Variants in DMD observed in about 807,000 individuals in gnomAD.
DMD encodes the protein mutant dystrophin.
In DMD, 63 loss-of-function variants were observed where a neutral mutation model predicts 330.1. The observed-to-expected ratio is 0.19, with a 90% CI of 0.16 to 0.24. DMD has a LOEUF of 0.24. Ranked by LOEUF, DMD falls within the 10% of genes least tolerant of loss-of-function variation. The probability of loss-of-function intolerance (pLI) is 1.00; values close to 1 mark genes in which losing one functional copy is unlikely to be tolerated. For missense variants in DMD, 3,344 were observed against 2,684.1 expected, an observed-to-expected ratio of 1.25 and a Z score of -5.43; for synonymous variants, 1,223 against 959.8, an observed-to-expected ratio of 1.27 and a Z score of -5.07.
intron 51 of DMD, among the ~76,000 whole-genome samples, chrX:31,755,886 T>G (rs1382359716): frequency 8.9e-6 from 1 of 111,762 alleles, no homozygotes; most frequent in Non-Finnish European, 1.9e-5. Flanking sequence ...CCTATTCACA[T>G]AATTATTTTT....
chrX:32,658,334 A>G (rs2060720900), intron 9 of DMD, among the ~76,000 whole-genome samples: 1 of 110,663 alleles, frequency 9.0e-6, no homozygotes, highest in Admixed American at 9.7e-5. Flanking sequence ...TTGATCCAAG[A>G]CTCCTTAACC....
chrX:32,603,180 A>C (rs9988328), intron 12 of DMD, among the ~76,000 whole-genome samples: 1,626 of 111,315 alleles, frequency 0.015, 27 homozygotes, highest in African/African-American at 0.05. Context: ...CTTGCACCAC[A>C]GTGGAAAAAA....
intron 7 of DMD, among the ~76,000 whole-genome samples, chrX:32,704,275 A>C (rs1224972965): frequency 8.9e-6 from 1 of 112,120 alleles, no homozygotes; most frequent in African/African-American, 3.2e-5. Context: ...ATCTCAGTGT[A>C]TTTGAAGACC....
At chrX:32,093,875 A>G (rs752376674) in intron 44 of DMD, among the ~76,000 whole-genome samples, 1 of 111,172 alleles carries the variant, frequency 9.0e-6, no homozygotes, top group Non-Finnish European at 1.9e-5. Context: ...ACTCTGTATA[A>G]CTAACAAGAA....
Position 33,237,554 on chromosome X carries a change from T to C in DMD, c.7+101705A>G, listed in dbSNP as rs187205423. ...GCCACAGTGCCCCGCCAGTTATCTT[T>C]CTTTGGCTACACCTTTTTGAGGTAG... is the stretch of plus-strand genomic sequence containing the variant. On this transcript the variant is annotated intron_variant, in intron 1 of 17. Coordinates refer to the DMD transcript ENST00000288447. Among the ~76,000 whole-genome samples the C allele has an allele frequency of 1.6e-3, 176 of 111,738 alleles. 1 individual carries two copies. Among genetic ancestry groups the C allele is most frequent in the African/African-American group, 5.5e-3 (169 of 30,778 alleles).
intron 63 of DMD, among the ~76,000 whole-genome samples, chrX:31,257,770 C>A: frequency 8.9e-6 from 1 of 111,888 alleles, no homozygotes; most frequent in Non-Finnish European, 1.9e-5. Context: ...CATGGCAAAA[C>A]CCCGTCCCTA....
intron 2 of DMD, among the ~76,000 whole-genome samples, chrX:32,991,551 T>C (rs1023429907): frequency 8.9e-6 from 1 of 112,417 alleles, no homozygotes; most frequent in African/African-American, 3.2e-5. Flanking sequence ...CTTTCACTAA[T>C]TTAAATTCAA....
chrX:32,703,961 G>A (rs1200333829), intron 7 of DMD, among the ~76,000 whole-genome samples: 1 of 111,291 alleles, frequency 9.0e-6, no homozygotes, highest in Non-Finnish European at 1.9e-5. Context: ...AATGCTCACG[G>A]ACACCAGATT....
intron 1 of DMD, among the ~76,000 whole-genome samples, chrX:33,271,043 T>C (rs1274033447): frequency 1.8e-5 from 2 of 111,733 alleles, no homozygotes; most frequent in African/African-American, 3.2e-5. Context: ...TGTGGCAATA[T>C]TGTATCTATT....
intron 25 of DMD, among the ~76,000 whole-genome samples, chrX:32,459,094 T>C (rs1294737739): frequency 5.4e-5 from 6 of 110,827 alleles, no homozygotes; most frequent in Non-Finnish European, 1.1e-4. Context: ...CTGTACAACA[T>C]TGGGCCTATA....
chrX:31,541,629 G>A (rs2073832120), intron 55 of DMD, among the ~76,000 whole-genome samples: 1 of 109,737 alleles, frequency 9.1e-6, no homozygotes, highest in African/African-American at 3.3e-5. Context: ...CAGAATGATG[G>A]TTTCCAGCTT....
At chrX:32,231,282 G>C (rs1261948239) in intron 43 of DMD, among the ~76,000 whole-genome samples, 1 of 112,324 alleles carries the variant, frequency 8.9e-6, no homozygotes, top group South Asian at 3.6e-4. Flanking sequence ...TTTTGATTTC[G>C]AGGCAAGTAA....
chrX:31,933,717 C>A (rs1466812445), intron 45 of DMD, among the ~76,000 whole-genome samples: 1 of 111,735 alleles, frequency 8.9e-6, no homozygotes, highest in African/African-American at 3.3e-5. Context: ...TCACTGCCTC[C>A]AAGTATAACC....
At chrX:32,980,262 A>G in intron 2 of DMD, among the ~76,000 whole-genome samples, 1 of 102,659 alleles carries the variant, frequency 9.7e-6, no homozygotes, top group East Asian at 3.3e-4. Flanking sequence ...GCTACTCGGG[A>G]GGCTGAGGCG....
chrX:32,123,975 C>CTT (rs1412089039), intron 44 of DMD, among the ~76,000 whole-genome samples: 24 of 111,635 alleles, frequency 2.1e-4, no homozygotes, highest in Admixed American at 1.6e-3. Flanking sequence ...TGAGGTGATA[C>CTT]TTAAAAAATA....
chrX:32,562,355 C>G (rs897243449), intron 16 of DMD, among the ~76,000 whole-genome samples: 2 of 112,538 alleles, frequency 1.8e-5, no homozygotes, highest in African/African-American at 6.4e-5. Context: ...TATTTTTTCA[C>G]GTTTTGATCT....
chrX:32,784,023 C>T (rs989770594), intron 7 of DMD, among the ~76,000 whole-genome samples: 7 of 108,984 alleles, frequency 6.4e-5, no homozygotes. Flanking sequence ...GGGAAATACA[C>T]ACCTGGAACT....
intron 61 of DMD, among the ~76,000 whole-genome samples, chrX:31,343,070 G>A (rs1444271611): frequency 9.0e-6 from 1 of 111,657 alleles, no homozygotes; most frequent in Admixed American, 9.5e-5. Flanking sequence ...GAGCCACCAC[G>A]CCCAACAAAT....
At chrX:32,846,723 TAAA>T (rs10564725) in intron 3 of DMD, among the ~76,000 whole-genome samples, 5,293 of 53,640 alleles carry the variant, frequency 0.099, 597 homozygotes, top group African/African-American at 0.33. Context: ...ACTTTAGATT[TAAA>T]AAAAAAAAAA....
Sources: gnomAD v4.1 joint callset for allele counts (sites outside exome capture counted in the v4.1 genomes callset) on GRCh38, gnomAD v4.1.1 for gene constraint, MANE v1.5 for transcripts, NCBI Gene and HGNC (gene_info 2026-07-23, HGNC 2026-07-21) for gene names.